SHANK2: variants seen among roughly 807,000 people sequenced by gnomAD.
SHANK2 encodes SH3 and multiple ankyrin repeat domains 2.
In SHANK2, 43 loss-of-function variants were observed where a neutral mutation model predicts 133.7. The observed-to-expected ratio is 0.32, with a 90% CI of 0.25 to 0.41. The LOEUF (loss-of-function observed/expected upper bound fraction) is 0.41, where lower values mean the gene tolerates loss of function less well. Ranked by LOEUF, SHANK2 falls within the 10% of genes least tolerant of loss-of-function variation. The pLI, the probability that SHANK2 is intolerant of heterozygous loss-of-function variation, is 1.00. For synonymous variants in SHANK2, 1,017 were observed against 952.8 expected (o/e 1.07, Z -1.24); for missense variants, 1,994 against 2,235.8 (o/e 0.89, Z 2.18).
intron 14 of SHANK2, among the ~76,000 whole-genome samples, chr11:70,747,563 C>T (rs1946665582): frequency 6.6e-6 from 1 of 152,170 alleles, no homozygotes; most frequent in East Asian, 1.9e-4. Context: ...AGACCTGGCA[C>T]TGCTGGTGGC....
chr11:70,868,250 G>A (rs754426527), intron 11 of SHANK2, among the ~76,000 whole-genome samples: 2 of 152,136 alleles, frequency 1.3e-5, no homozygotes, highest in African/African-American at 2.4e-5. Context: ...TGAGGGGGTC[G>A]GCATACGGAC....
At chr11:71,133,689 A>G (rs745676815) in intron 3 of SHANK2, among the ~76,000 whole-genome samples, 1 of 152,094 alleles carries the variant, frequency 6.6e-6, no homozygotes, top group Non-Finnish European at 1.5e-5. Flanking sequence ...GCCACACTCC[A>G]TGGACTCAAA....
Position 70,890,479 on chromosome 11 carries a change from AAAAAAAAAC to A in SHANK2, c.1174+6013_1174+6021del, listed in dbSNP as rs1194467248. Among the ~76,000 whole-genome samples, 119 of 34,746 alleles carry A rather than the reference AAAAAAAAAC, an allele frequency of 3.4e-3. 3 individuals are homozygous for A. In the East Asian group the frequency reaches 0.062, roughly 18 times the overall value. 22.8% of individuals were successfully genotyped at this position (34,746 alleles called of 152,430 possible). On this transcript the variant is annotated intron_variant, in intron 11 of 25. Transcript: ENST00000601538. ...CATGGTGAAACCCTGTCTCTACTAA[AAAAAAAAAC>A]AAAAAAAACAAAAAAAACAAAAAAA...
intron 2 of SHANK2, among the ~76,000 whole-genome samples, chr11:71,158,126 G>C (rs2135453809): frequency 6.6e-6 from 1 of 152,282 alleles, no homozygotes; most frequent in East Asian, 1.9e-4. Context: ...TAAGCGAACA[G>C]ATAACCGAAT....
chr11:70,741,863 T>A (rs782447570), intron 14 of SHANK2, among the ~76,000 whole-genome samples: 20 of 152,148 alleles, frequency 1.3e-4, no homozygotes, highest in Admixed American at 1.2e-3. Flanking sequence ...CATATTTAAC[T>A]CTAGATCCAG....
At position 70,486,162 on chromosome 11, in the gene SHANK2, C is replaced by A. The variant is rs151081661; in HGVS notation, c.4131G>T (p.Ala1377=). ...TCACCGCCTCTTCCATGGAGCCCAC[C>A]GCGACGATGGTTCTGCCGGGCACGG... ...PTTVPGRTIV[A]VGSMEEAVIL... The change falls in exon 25 of 26, where the codon GCG becomes GCT. Residue 1377 remains alanine, a synonymous_variant. Coordinates refer to ENST00000601538, the MANE Select transcript of SHANK2 (RefSeq NM_012309.5). The surrounding 1 kb of genome is among the most constrained non-coding windows in gnomAD (Gnocchi z 8.0). 24 of 1,613,808 alleles carry A rather than the reference C, an allele frequency of 1.5e-5. No homozygotes were observed. The highest frequency in any genetic ancestry group is 1.9e-5 in the Non-Finnish European group (23 of 1,179,864).
rs1591552979 is a variant in SHANK2, at chr11:70,539,536, G to GCCACGCTCA, written c.2062-36614_2062-36606dup. Among the ~76,000 whole-genome samples the GCCACGCTCA allele has an allele frequency of 6.5e-5, 6 of 91,994 alleles. No homozygotes were observed. The East Asian group carries it at 3.7e-3, about 57-fold the overall frequency. 60.4% of individuals were successfully genotyped at this position (91,994 alleles called of 152,430 possible). ...CTCGCCACGCTCACCACGCTCACTCGCCACGCTCACTCACCATACTCACCA... is the reference window on the plus strand; with the variant it reads ...CTCGCCACGCTCACCACGCTCACTCGCCACGCTCACCACGCTCACTCACCATACTCACCA... On this transcript the variant is annotated intron_variant, in intron 17 of 25. Coordinates refer to ENST00000601538, the MANE Select transcript of SHANK2 (RefSeq NM_012309.5).
intron 11 of SHANK2, among the ~76,000 whole-genome samples, chr11:70,878,001 C>T (rs782341576): frequency 2.6e-5 from 4 of 152,278 alleles, no homozygotes; most frequent in South Asian, 2.1e-4. Flanking sequence ...AGCGTGAGTC[C>T]GGCGAAGAAT....
At chr11:70,668,125 G>A (rs1489742822) in intron 15 of SHANK2, 1 of 152,186 alleles carries the variant, frequency 6.6e-6, no homozygotes, top group East Asian at 1.9e-4. Context: ...GGTGTGGTCA[G>A]TTGAATGGTG....
chr11:70,495,685 G>A (rs2058959542), intron 21 of SHANK2, among the ~76,000 whole-genome samples: 1 of 152,232 alleles, frequency 6.6e-6, no homozygotes, highest in South Asian at 2.1e-4. Flanking sequence ...TCTGACCCCA[G>A]TGGAGCGTGA....
intron 14 of SHANK2, among the ~76,000 whole-genome samples, chr11:70,766,783 A>G (rs558704175): frequency 6.6e-6 from 1 of 152,272 alleles, no homozygotes; most frequent in South Asian, 2.1e-4. Flanking sequence ...TGTCACTCTA[A>G]TTTTAGTGGC....
At chr11:70,909,662 C>T (rs538182261) in intron 10 of SHANK2, among the ~76,000 whole-genome samples, 1 of 152,254 alleles carries the variant, frequency 6.6e-6, no homozygotes, top group South Asian at 2.1e-4. Context: ...TAGGAGAAGG[C>T]AGGCATTACA....
Position 70,486,788 on chromosome 11 carries a change from C to T in SHANK2, c.3505G>A (p.Ala1169Thr), listed in dbSNP as rs537912689. The change falls in exon 25 of 26, where the codon GCT (alanine) becomes ACT (threonine). Residue 1169 changes from alanine (A) to threonine (T), a missense_variant. Ala to Thr is a moderately conservative substitution (Grantham distance 58). This residue lies in a region of SHANK2 where 797 missense variants were observed against 907.4 expected (regional missense o/e 0.88). Transcript: ENST00000601538. This position sits in a 1 kb window ranked among gnomAD's most constrained non-coding sequence, Gnocchi z 8.0. ...GACGTGGAATTCAGCGGCCTCCCAG[C>T]CTCACCCGGAGCACTGGCCTCGGCG... ...GGAEASAPGE[A>T]GRPLNSTSKA... 4 of 1,611,978 alleles carry T rather than the reference C, an allele frequency of 2.5e-6. No individual in the cohort carries two copies. Among genetic ancestry groups the T allele is most frequent in the African/African-American group, 2.7e-5 (2 of 75,030 alleles).
intron 15 of SHANK2, among the ~76,000 whole-genome samples, chr11:70,682,405 C>T (rs1945048488): frequency 6.6e-6 from 1 of 152,208 alleles, no homozygotes; most frequent in Non-Finnish European, 1.5e-5. Flanking sequence ...GTTGCAAAGG[C>T]TGGCGGGAGG....
rs782495170 is a variant in SHANK2, at chr11:70,473,674, G to A, written c.4980-235C>T. ...CCACGTCAGCCCACTCACCTGAACT[G>A]GGACAGAGGGGCTGGGGGACCTGCC... On this transcript the variant is annotated intron_variant, in intron 25 of 25. Transcript: ENST00000601538. This position sits in a 1 kb window ranked among gnomAD's most constrained non-coding sequence, Gnocchi z 5.9. 5 of 614,170 alleles carry A rather than the reference G, an allele frequency of 8.1e-6. No individual in the cohort carries two copies. Among genetic ancestry groups the A allele is most frequent in the Admixed American group, 4.4e-5 (2 of 45,398 alleles). 38.0% of individuals were successfully genotyped at this position (614,170 alleles called of 1,614,324 possible). A position where few individuals can be genotyped will look rare whatever the true frequency, so the allele number is the denominator to read the frequency against.
At chr11:70,714,196 G>A (rs116477612) in intron 14 of SHANK2, among the ~76,000 whole-genome samples, 1,845 of 152,302 alleles carry the variant, frequency 0.012, 34 homozygotes, top group African/African-American at 0.042. Context: ...CTGGAATGTG[G>A]AAGTGGCTCT....
intron 11 of SHANK2, among the ~76,000 whole-genome samples, chr11:70,862,050 G>A (rs1949267418): frequency 6.6e-6 from 1 of 152,136 alleles, no homozygotes; most frequent in African/African-American, 2.4e-5. Context: ...CAGGCCAGGG[G>A]GAATCTGGTG....
intron 10 of SHANK2, among the ~76,000 whole-genome samples, chr11:70,928,087 C>T (rs1413390077): frequency 1.3e-5 from 2 of 152,102 alleles, no homozygotes; most frequent in Non-Finnish European, 1.5e-5. Flanking sequence ...TATATGTACA[C>T]ATATATACAT....
chr11:71,130,177 T>C (rs1952271866), intron 3 of SHANK2, among the ~76,000 whole-genome samples: 1 of 152,180 alleles, frequency 6.6e-6, no homozygotes, highest in Non-Finnish European at 1.5e-5. Flanking sequence ...CTTCATTCAA[T>C]ATAGAAATTT....
Sources: gnomAD v4.1 joint callset for allele counts (sites outside exome capture counted in the v4.1 genomes callset) on GRCh38, gnomAD v4.1.1 for gene constraint, gnomAD v4.1.1 regional missense constraint, Gnocchi (gnomAD v3.1) non-coding constraint, MANE v1.5 for transcripts, NCBI Gene and HGNC (gene_info 2026-07-23, HGNC 2026-07-21) for gene names.